CHN2: variants seen among roughly 807,000 people sequenced by gnomAD.
CHN2 encodes the protein beta-chimaerin.
A neutral mutation model predicts 56.3 loss-of-function variants in CHN2; 35 were observed. The ratio of observed to expected loss-of-function variants is 0.62; its 90% confidence interval spans 0.47 to 0.82. The LOEUF (loss-of-function observed/expected upper bound fraction) is 0.82, where lower values mean the gene tolerates loss of function less well. CHN2 is among the 40% of genes least tolerant of loss of function. The pLI, the probability that CHN2 is intolerant of heterozygous loss-of-function variation, is 0.00. For missense variants in CHN2, 491 were observed against 580.5 expected, an observed-to-expected ratio of 0.85 and a Z score of 1.58; for synonymous variants, 210 against 212.8, an observed-to-expected ratio of 0.99 and a Z score of 0.12.
intron 2 of CHN2, among the ~76,000 whole-genome samples, chr7:29,170,755 A>T (rs28694309): frequency 5.3e-5 from 8 of 152,228 alleles, no homozygotes; most frequent in Non-Finnish European, 1.2e-4. Context: ...AAGAGGTTTA[A>T]TTGGACTTAT....
At chr7:29,285,209 T>C (rs942988270) in intron 1 of CHN2, among the ~76,000 whole-genome samples, 4 of 152,232 alleles carry the variant, frequency 2.6e-5, no homozygotes, top group Non-Finnish European at 5.9e-5. Context: ...AAGTCTTCTG[T>C]GGCATTGAAA....
chr7:29,441,468 G>C (rs1368883973), intron 6 of CHN2, among the ~76,000 whole-genome samples: 2 of 152,114 alleles, frequency 1.3e-5, no homozygotes, highest in Non-Finnish European at 2.9e-5. Context: ...AATTGAATTT[G>C]ATCAAAATTA....
At chr7:29,423,991 G>T (rs1303652767) in intron 6 of CHN2, among the ~76,000 whole-genome samples, 1 of 152,148 alleles carries the variant, frequency 6.6e-6, no homozygotes, top group Non-Finnish European at 1.5e-5. Context: ...TCCCACTCAT[G>T]GTGGGCTACT....
At chr7:29,220,011 G>A (rs1046682688) in intron 1 of CHN2, among the ~76,000 whole-genome samples, 3 of 152,068 alleles carry the variant, frequency 2.0e-5, no homozygotes, top group African/African-American at 7.2e-5. Context: ...GGAGGCGGAG[G>A]TTGCAGTGAG....
chr7:29,157,216 C>G (rs1222888580), intron 2 of CHN2, among the ~76,000 whole-genome samples: 1 of 152,196 alleles, frequency 6.6e-6, no homozygotes, highest in Non-Finnish European at 1.5e-5. Context: ...GCTACCCACA[C>G]CTCTGAGTGG....
At chr7:29,378,773 G>A (rs969268498) in intron 3 of CHN2, among the ~76,000 whole-genome samples, 7 of 152,188 alleles carry the variant, frequency 4.6e-5, no homozygotes, top group Admixed American at 1.3e-4. Flanking sequence ...AGACCATTCT[G>A]GCCAACATGG....
chr7:29,149,484 G>T (rs913612938), intron 2 of CHN2, among the ~76,000 whole-genome samples: 8 of 152,052 alleles, frequency 5.3e-5, no homozygotes, highest in African/African-American at 9.7e-5. Context: ...GTAAGCCACC[G>T]TGCCCAGCCT....
At chr7:29,330,249 C>T (rs759186635) in intron 1 of CHN2, among the ~76,000 whole-genome samples, 14 of 152,194 alleles carry the variant, frequency 9.2e-5, no homozygotes, top group Non-Finnish European at 1.6e-4. Context: ...ACAGTGGCCT[C>T]ATTCAACATA....
intron 1 of CHN2, among the ~76,000 whole-genome samples, chr7:29,312,101 G>A (rs1426933194): frequency 6.6e-6 from 1 of 152,108 alleles, no homozygotes; most frequent in Non-Finnish European, 1.5e-5. Context: ...CTCTGTAACT[G>A]GTCACATATA....
intron 1 of CHN2, among the ~76,000 whole-genome samples, chr7:29,215,328 A>G (rs35432446): frequency 0.13 from 20,142 of 152,048 alleles, 1,701 homozygotes; most frequent in Non-Finnish European, 0.19. Flanking sequence ...CTCTGCATTC[A>G]CTGTCCATTT....
At chr7:29,226,916 T>C (rs1305621862) in intron 1 of CHN2, among the ~76,000 whole-genome samples, 1 of 152,166 alleles carries the variant, frequency 6.6e-6, no homozygotes, top group Non-Finnish European at 1.5e-5. Context: ...CACTGTAACA[T>C]AGGTAGGAGG....
chr7:29,511,601 T>A (rs1791416148), intron 12 of CHN2, among the ~76,000 whole-genome samples: 1 of 152,298 alleles, frequency 6.6e-6, no homozygotes, highest in African/African-American at 2.4e-5. Context: ...CTTTGTGGCA[T>A]GTACATGACA....
chr7:29,147,178 A>G (rs529603222), intron 2 of CHN2: 6 of 627,916 alleles, frequency 9.6e-6, no homozygotes, highest in South Asian at 8.2e-5. Flanking sequence ...ATCGAGCCAG[A>G]CAGTACGGGA....
intron 6 of CHN2, among the ~76,000 whole-genome samples, chr7:29,451,563 A>T (rs1422739899): frequency 6.6e-6 from 1 of 150,666 alleles, no homozygotes; most frequent in Admixed American, 6.6e-5. Flanking sequence ...GTAATTAATT[A>T]CAAATTTATT....
chr7:29,324,059 T>C (rs1795599966), intron 1 of CHN2, among the ~76,000 whole-genome samples: 1 of 151,096 alleles, frequency 6.6e-6, no homozygotes, highest in Non-Finnish European at 1.5e-5. Flanking sequence ...GGGTTGAAGC[T>C]GTCCTCCTGT....
intron 7 of CHN2, among the ~76,000 whole-genome samples, chr7:29,495,509 C>T (rs1366622937): frequency 6.6e-6 from 1 of 152,148 alleles, no homozygotes; most frequent in Non-Finnish European, 1.5e-5. Context: ...TTTTAATTAT[C>T]CCATAATCAT....
At chr7:29,187,517 A>C (rs941833333) in intron 2 of CHN2, among the ~76,000 whole-genome samples, 3 of 152,106 alleles carry the variant, frequency 2.0e-5, no homozygotes, top group African/African-American at 7.2e-5. Flanking sequence ...TGAGGTCAGG[A>C]GTTTGAGACC....
At chr7:29,475,657 T>G (rs1437094012) in intron 6 of CHN2, among the ~76,000 whole-genome samples, 1 of 152,204 alleles carries the variant, frequency 6.6e-6, no homozygotes, top group Non-Finnish European at 1.5e-5. Context: ...GTGTGGTATA[T>G]CCATACAATG....
chr7:29,280,036 CAG>C (rs1791556198), intron 1 of CHN2, among the ~76,000 whole-genome samples: 1 of 152,000 alleles, frequency 6.6e-6, no homozygotes, highest in Non-Finnish European at 1.5e-5. Context: ...ACTTAAGAGA[CAG>C]AGTTGATGGG....
Sources: allele counts gnomAD v4.1 joint callset (sites outside exome capture counted in the v4.1 genomes callset), GRCh38; gene constraint gnomAD v4.1.1; transcripts MANE v1.5; gene names NCBI Gene and HGNC (gene_info 2026-07-23, HGNC 2026-07-21).